Variants in CREB1 observed in about 807,000 individuals in gnomAD.
The protein encoded by CREB1 is cAMP responsive element binding protein 1.
A neutral mutation model predicts 42.0 loss-of-function variants in CREB1; 2 were observed. That is an observed-to-expected ratio of 0.05 (90% CI 0.02 to 0.15). The LOEUF (loss-of-function observed/expected upper bound fraction) is 0.15, where lower values mean the gene tolerates loss of function less well. Ranked by LOEUF, CREB1 falls within the 10% of genes least tolerant of loss-of-function variation. The pLI, the probability that CREB1 is intolerant of heterozygous loss-of-function variation, is 1.00. For synonymous variants in CREB1, 123 were observed against 139.9 expected, an observed-to-expected ratio of 0.88 and a Z score of 0.85; for missense variants, 199 against 388.9, an observed-to-expected ratio of 0.51 and a Z score of 4.11.
chr2:207,600,859 A>C lies in CREB1; in HGVS notation c.*3801A>C. 1 of 205,082 alleles carries C rather than the reference A, an allele frequency of 4.9e-6. No homozygotes were observed. Among genetic ancestry groups the C allele is most frequent in the Non-Finnish European group, 1.0e-5 (1 of 100,194 alleles). The allele number at this position is 205,082 out of a possible 1,614,324, so 12.7% of individuals were successfully genotyped here. ...GACATGTGGAATCATACAAAGGCTT[A>C]GGAAGAAATACGTTTGTTTAAACCA... is the stretch of plus-strand genomic sequence containing the variant. On this transcript the variant is annotated 3_prime_UTR_variant, in exon 8 of 8. Transcript: ENST00000353267.
intron 3 of CREB1, among the ~76,000 whole-genome samples, chr2:207,564,875 G>C (rs1206654084): frequency 1.3e-5 from 2 of 152,142 alleles, no homozygotes; most frequent in East Asian, 3.8e-4. Context: ...ATAAGTGATA[G>C]GAGATGAGAA....
intron 7 of CREB1, among the ~76,000 whole-genome samples, chr2:207,588,203 T>A (rs962523279): frequency 6.6e-6 from 1 of 152,248 alleles, no homozygotes; most frequent in African/African-American, 2.4e-5. Flanking sequence ...AATTCCCTCC[T>A]GAGTTTACTT....
At chr2:207,545,993 C>G (rs1225049537) in intron 1 of CREB1, among the ~76,000 whole-genome samples, 1 of 152,152 alleles carries the variant, frequency 6.6e-6, no homozygotes, top group Non-Finnish European at 1.5e-5. Flanking sequence ...CCTTGGCCTC[C>G]CAAAGTCTTG....
chr2:207,596,866 T>C (rs760380912), intron 7 of CREB1, 48 bp from the exon 8 acceptor site: 2 of 1,574,840 alleles, frequency 1.3e-6, no homozygotes. Context: ...CCAAAATAAA[T>C]ATGTGGAAAT....
chr2:207,590,920 A>G (rs761944712), intron 7 of CREB1, among the ~76,000 whole-genome samples: 1 of 152,102 alleles, frequency 6.6e-6, no homozygotes, highest in Non-Finnish European at 1.5e-5. Context: ...TTGGGTTGTC[A>G]TTTTTATTTG....
At chr2:207,596,026 TG>T (rs1232843030) in intron 7 of CREB1, among the ~76,000 whole-genome samples, 1 of 152,244 alleles carries the variant, frequency 6.6e-6, no homozygotes, top group Non-Finnish European at 1.5e-5. Flanking sequence ...CCTCTGCTTT[TG>T]GTGTTGTATT....
intron 4 of CREB1, among the ~76,000 whole-genome samples, chr2:207,568,359 A>G (rs1658816078): frequency 6.6e-6 from 1 of 152,086 alleles, no homozygotes; most frequent in Non-Finnish European, 1.5e-5. Flanking sequence ...TTATATTACC[A>G]GTTTATGTTA....
At chr2:207,563,218 A>G (rs896678939) in intron 3 of CREB1, among the ~76,000 whole-genome samples, 1 of 152,184 alleles carries the variant, frequency 6.6e-6, no homozygotes, top group Admixed American at 6.5e-5. Context: ...ACAGAAAGGT[A>G]TGGCTGGAAT....
chr2:207,588,924 A>G (rs978536478), intron 7 of CREB1, among the ~76,000 whole-genome samples: 6 of 151,464 alleles, frequency 4.0e-5, no homozygotes, highest in African/African-American at 9.7e-5. Context: ...TTCTCTACAC[A>G]AATTATCATG....
At chr2:207,535,277 A>G (rs1229755317) in intron 1 of CREB1, among the ~76,000 whole-genome samples, 1 of 152,220 alleles carries the variant, frequency 6.6e-6, no homozygotes, top group African/African-American at 2.4e-5. Flanking sequence ...CCAGGTTAAG[A>G]GTTAACTCAC....
At chr2:207,562,622 T>TA (rs964073417) in intron 3 of CREB1, among the ~76,000 whole-genome samples, 1 of 152,164 alleles carries the variant, frequency 6.6e-6, no homozygotes, top group African/African-American at 2.4e-5. Flanking sequence ...CAAATAGAGA[T>TA]ACAAATATAA....
At chr2:207,537,451 G>T (rs894444713) in intron 1 of CREB1, among the ~76,000 whole-genome samples, 1 of 152,210 alleles carries the variant, frequency 6.6e-6, no homozygotes, top group South Asian at 2.1e-4. Flanking sequence ...AGAGTTAAAT[G>T]ATTTCCCACA....
At chr2:207,535,794 T>A (rs200368893) in intron 1 of CREB1, among the ~76,000 whole-genome samples, 2 of 145,552 alleles carry the variant, frequency 1.4e-5, no homozygotes, top group Non-Finnish European at 3.0e-5. Context: ...TACAATACTT[T>A]TTTATTTATT....
intron 4 of CREB1, chr2:207,567,895 T>C (rs2082201253): frequency 6.0e-6 from 1 of 166,858 alleles, no homozygotes; most frequent in Non-Finnish European, 1.3e-5. Context: ...ATTTATCTAC[T>C]TAGTAACACA....
intron 7 of CREB1, among the ~76,000 whole-genome samples, chr2:207,589,873 TA>T (rs1308871040): frequency 1.3e-5 from 2 of 152,208 alleles, no homozygotes; most frequent in African/African-American, 2.4e-5. Context: ...TGAGGATTTT[TA>T]TGTCTACGTT....
Position 207,547,826 on chromosome 2 carries a change from C to G in CREB1, c.-8-7802C>G, listed in dbSNP as rs2081351481. On this transcript the variant is annotated intron_variant, in intron 1 of 7. Transcript: ENST00000353267. ...TAATTTCAAACAAACAAACAAAAAA[C>G]TTTAAGAAAGCACTACAGCTTTCTT... Among the ~76,000 whole-genome samples the G allele has an allele frequency of 3.3e-5, 5 of 152,126 alleles. No homozygotes were observed. In the South Asian group the frequency reaches 1.0e-3, roughly 32 times the overall value.
Position 207,547,998 on chromosome 2 carries a change from A to G in CREB1, c.-8-7630A>G, listed in dbSNP as rs547013790. Among the ~76,000 whole-genome samples the G allele has an allele frequency of 9.2e-5, 14 of 151,914 alleles. No homozygotes were observed. The East Asian group carries it at 2.5e-3, about 27-fold the overall frequency. ...CACCCAGGAAGGAGTGCAGTGGTGCAATCTCGACTCACTACAACCCCCACC... is the reference window on the plus strand; with the variant it reads ...CACCCAGGAAGGAGTGCAGTGGTGCGATCTCGACTCACTACAACCCCCACC... On this transcript the variant is annotated intron_variant, in intron 1 of 7. Coordinates refer to ENST00000353267, the MANE Select transcript of CREB1 (RefSeq NM_004379.5).
chr2:207,594,380 T>C (rs1375670946), intron 7 of CREB1, among the ~76,000 whole-genome samples: 2 of 152,170 alleles, frequency 1.3e-5, no homozygotes, highest in Non-Finnish European at 2.9e-5. Context: ...CAACTCCCCA[T>C]TTCCTCGTTC....
At chr2:207,580,018 A>G (rs2082793412) in intron 7 of CREB1, among the ~76,000 whole-genome samples, 1 of 152,132 alleles carries the variant, frequency 6.6e-6, no homozygotes, top group African/African-American at 2.4e-5. Context: ...ATATGCTGAT[A>G]CTTCTTAATT....
Sources: gnomAD v4.1 joint callset for allele counts (sites outside exome capture counted in the v4.1 genomes callset) on GRCh38, gnomAD v4.1.1 for gene constraint, MANE v1.5 for transcripts, NCBI Gene and HGNC (gene_info 2026-07-23, HGNC 2026-07-21) for gene names.